DOCK4: variants seen among roughly 807,000 people sequenced by gnomAD.
DOCK4 encodes dedicator of cytokinesis 4, also known as dedicator of cytokinesis protein 4.
Under a neutral mutation model 268.1 loss-of-function variants are expected in DOCK4, and 97 were observed. That is an observed-to-expected ratio of 0.36 (90% CI 0.31 to 0.43). DOCK4 has a LOEUF of 0.43. DOCK4 is among the 20% of genes least tolerant of loss of function. DOCK4 has a pLI of 1.00. For missense variants in DOCK4, 2,145 were observed against 2,455.7 expected (o/e 0.87, Z 2.67); for synonymous variants, 954 against 887.2 (o/e 1.08, Z -1.34).
At chr7:112,099,297 TAA>T (rs34373613) in intron 1 of DOCK4, among the ~76,000 whole-genome samples, 54 of 123,286 alleles carry the variant, frequency 4.4e-4, no homozygotes, top group Admixed American at 1.1e-3. Flanking sequence ...GTCTCGGATT[TAA>T]AAAAAAAAAA....
chr7:111,765,945 C>A (rs1029361145), intron 38 of DOCK4, among the ~76,000 whole-genome samples: 1 of 152,054 alleles, frequency 6.6e-6, no homozygotes, highest in African/African-American at 2.4e-5. Flanking sequence ...TAACAGCACC[C>A]CAAAGAGCAG....
chr7:111,898,587 C>T (rs890084267), intron 15 of DOCK4, among the ~76,000 whole-genome samples: 3 of 152,186 alleles, frequency 2.0e-5, no homozygotes, highest in African/African-American at 4.8e-5. Context: ...CAGTAAAATG[C>T]TTGGCATATA....
intron 12 of DOCK4, among the ~76,000 whole-genome samples, chr7:111,916,282 TAAAACAAAAC>T (rs764190073): frequency 6.6e-6 from 1 of 152,008 alleles, no homozygotes; most frequent in East Asian, 1.9e-4. Context: ...ATGGGAGGTT[TAAAACAAAAC>T]AAAACAAAAC....
chr7:111,844,631 C>T, intron 25 of DOCK4, 132 bp downstream of exon 25: 3 of 1,191,768 alleles, frequency 2.5e-6, no homozygotes, highest in Non-Finnish European at 3.4e-6. Context: ...AAGGTAACCT[C>T]ATATGATTTT....
intron 1 of DOCK4, among the ~76,000 whole-genome samples, chr7:112,167,443 T>C (rs1381224195): frequency 6.6e-6 from 1 of 151,620 alleles, no homozygotes. Context: ...AAAAAAAAAA[T>C]GTTTGTGAAA....
chr7:112,020,301 A>G (rs1802202413), intron 1 of DOCK4, among the ~76,000 whole-genome samples: 1 of 152,154 alleles, frequency 6.6e-6, no homozygotes, highest in Non-Finnish European at 1.5e-5. Context: ...GCTAGAAGTA[A>G]CTCATATAAA....
intron 1 of DOCK4, among the ~76,000 whole-genome samples, chr7:112,099,213 G>C (rs1284428004): frequency 2.6e-5 from 4 of 151,320 alleles, no homozygotes; most frequent in Non-Finnish European, 5.9e-5. Context: ...AATCGCTGGA[G>C]CCCAGGAGGC....
At chr7:112,161,075 T>C (rs1367999176) in intron 1 of DOCK4, among the ~76,000 whole-genome samples, 1 of 152,214 alleles carries the variant, frequency 6.6e-6, no homozygotes, top group Non-Finnish European at 1.5e-5. Flanking sequence ...ACATGTACTT[T>C]TGTAAGTGGC....
intron 12 of DOCK4, among the ~76,000 whole-genome samples, chr7:111,919,649 T>C (rs1004005140): frequency 7.2e-5 from 11 of 152,198 alleles, no homozygotes; most frequent in African/African-American, 2.4e-4. Context: ...TACTGCCATT[T>C]GGAGGTTCCC....
chr7:111,927,105 C>G (rs1431468049), intron 12 of DOCK4, among the ~76,000 whole-genome samples: 2 of 152,166 alleles, frequency 1.3e-5, no homozygotes, highest in Non-Finnish European at 2.9e-5. Flanking sequence ...CCCAAAGGGT[C>G]TGACCATAGG....
intron 1 of DOCK4, among the ~76,000 whole-genome samples, chr7:112,171,529 ACATAGGT>A (rs1277160981): frequency 6.6e-6 from 1 of 151,878 alleles, no homozygotes; most frequent in Non-Finnish European, 1.5e-5. Flanking sequence ...ACATAATGTT[ACATAGGT>A]GTACTCTATA....
At chr7:112,072,961 G>A (rs966633245) in intron 1 of DOCK4, among the ~76,000 whole-genome samples, 4 of 152,154 alleles carry the variant, frequency 2.6e-5, no homozygotes, top group Non-Finnish European at 4.4e-5. Flanking sequence ...AGGCCACTGC[G>A]CATGCAGACA....
At chr7:111,796,351 C>A (rs1221642591) in intron 30 of DOCK4, among the ~76,000 whole-genome samples, 1 of 152,224 alleles carries the variant, frequency 6.6e-6, no homozygotes, top group East Asian at 1.9e-4. Flanking sequence ...TTTCAACAAA[C>A]ATAACTTAAT....
intron 1 of DOCK4, among the ~76,000 whole-genome samples, chr7:112,043,634 G>A (rs902294224): frequency 6.6e-6 from 1 of 151,980 alleles, no homozygotes; most frequent in Admixed American, 6.6e-5. Flanking sequence ...CAATAGAGCA[G>A]AGCATGCTAC....
chr7:112,096,076 C>G (rs574019659), intron 1 of DOCK4, among the ~76,000 whole-genome samples: 3 of 151,988 alleles, frequency 2.0e-5, no homozygotes. Flanking sequence ...GCAACAAAAG[C>G]GAGAAACTTT....
At chr7:111,947,495 AATAAGGC>A (rs1795713107) in intron 8 of DOCK4, among the ~76,000 whole-genome samples, 1 of 152,180 alleles carries the variant, frequency 6.6e-6, no homozygotes, top group Non-Finnish European at 1.5e-5. Context: ...ACAGATGGCC[AATAAGGC>A]ATGCATGAAG....
intron 20 of DOCK4, among the ~76,000 whole-genome samples, chr7:111,870,394 C>T (rs181027944): frequency 4.0e-5 from 6 of 150,520 alleles, no homozygotes; most frequent in South Asian, 4.2e-4. Flanking sequence ...CTTGGCTCAC[C>T]GCAACCTCTG....
At chr7:112,068,678 C>T (rs1000671017) in intron 1 of DOCK4, among the ~76,000 whole-genome samples, 4 of 152,178 alleles carry the variant, frequency 2.6e-5, no homozygotes, top group Non-Finnish European at 5.9e-5. Context: ...ATATTCCCAT[C>T]GGCTGCAGCG....
intron 1 of DOCK4, among the ~76,000 whole-genome samples, chr7:112,105,569 T>TAAA (rs11371769): frequency 0.27 from 39,657 of 147,754 alleles, 5,669 homozygotes; most frequent in Non-Finnish European, 0.32. Flanking sequence ...ACAACAAATC[T>TAAA]AAAAAAAAAA....
Sources: allele counts gnomAD v4.1 joint callset (sites outside exome capture counted in the v4.1 genomes callset), GRCh38; gene constraint gnomAD v4.1.1; transcripts MANE v1.5; gene names NCBI Gene and HGNC (gene_info 2026-07-23, HGNC 2026-07-21).